The following NELL1 variants were observed in gnomAD, a reference collection of about 807,000 sequenced individuals.
NELL1 encodes neural EGFL like 1.
In NELL1, 76 loss-of-function variants were observed where a neutral mutation model predicts 107.4. That is an observed-to-expected ratio of 0.71 (90% CI 0.59 to 0.86). NELL1 has a LOEUF of 0.86. Ranked by LOEUF, NELL1 falls within the 40% of genes least tolerant of loss-of-function variation. The pLI is 0.00. For missense variants in NELL1, 1,024 were observed against 1,005.5 expected, an observed-to-expected ratio of 1.02 and a Z score of -0.25; for synonymous variants, 353 against 341.2, an observed-to-expected ratio of 1.03 and a Z score of -0.38.
intron 15 of NELL1, among the ~76,000 whole-genome samples, chr11:21,482,182 T>A (rs1186570461): frequency 6.6e-6 from 1 of 152,244 alleles, no homozygotes; most frequent in Admixed American, 6.5e-5. Flanking sequence ...AAAGGAATGC[T>A]TTGCATAAGG....
intron 15 of NELL1, among the ~76,000 whole-genome samples, chr11:21,497,000 C>G (rs890580951): frequency 1.3e-5 from 2 of 151,768 alleles, no homozygotes; most frequent in African/African-American, 4.8e-5. Context: ...TGTATATGTG[C>G]CACATTTTCT....
intron 7 of NELL1, among the ~76,000 whole-genome samples, chr11:20,923,134 C>T (rs568309314): frequency 7.9e-5 from 12 of 152,188 alleles, no homozygotes; most frequent in African/African-American, 2.4e-4. Flanking sequence ...CCTCTTGGGT[C>T]GAGGTGGAAA....
intron 14 of NELL1, among the ~76,000 whole-genome samples, chr11:21,237,259 A>G (rs1054483183): frequency 6.6e-6 from 1 of 152,092 alleles, no homozygotes; most frequent in Non-Finnish European, 1.5e-5. Flanking sequence ...AGAAAGAAAC[A>G]ACATACATTT....
rs1356294 is a variant in NELL1 at position 21,117,345 on chromosome 11, A to G, written c.1426+3631A>G. The stretch of plus-strand genomic sequence containing the variant: ...TTCCACTAGAATGTAAACTCTTGAG[A>G]GCAGGGGCCTTTTTCCTTTTGTTCT... On this transcript the variant is annotated intron_variant, in intron 13 of 19. Coordinates refer to ENST00000357134, the MANE Select transcript of NELL1 (RefSeq NM_006157.5). Among the ~76,000 whole-genome samples, 1,136 of 152,092 alleles carry G rather than the reference A, an allele frequency of 7.5e-3. 16 individuals carry two copies. Among genetic ancestry groups the G allele is most frequent in the African/African-American group, 0.026 (1,067 of 41,528 alleles).
chr11:21,487,867 G>A (rs762245060), intron 15 of NELL1, among the ~76,000 whole-genome samples: 22 of 152,012 alleles, frequency 1.4e-4, no homozygotes, highest in Non-Finnish European at 2.2e-4. Context: ...GCTAACAACC[G>A]GGAGGAGTAG....
intron 2 of NELL1, among the ~76,000 whole-genome samples, chr11:20,721,450 C>T (rs1855386584): frequency 1.3e-5 from 2 of 151,952 alleles, no homozygotes; most frequent in African/African-American, 4.8e-5. Flanking sequence ...CCCTGGGATT[C>T]ATGCAACTGC....
chr11:20,932,648 C>T (rs1360515885), intron 9 of NELL1, among the ~76,000 whole-genome samples: 7 of 152,216 alleles, frequency 4.6e-5, no homozygotes, highest in South Asian at 4.2e-4. Flanking sequence ...TGGTAGGGTC[C>T]GCTATTATCC....
intron 16 of NELL1, among the ~76,000 whole-genome samples, chr11:21,542,215 C>T (rs1856308865): frequency 6.6e-6 from 1 of 152,010 alleles, no homozygotes; most frequent in Non-Finnish European, 1.5e-5. Flanking sequence ...AATGTGAGCT[C>T]GAGGACGAAG....
In NELL1 at chr11:21,336,692, T is replaced by C. The variant is rs962498859; in HGVS notation, c.1550-34161T>C. ...ATATATATACACACACACACACACA[T>C]TAAACAGAAATCAGAATGAAATGCT... On this transcript the variant is annotated intron_variant, in intron 14 of 19. Coordinates refer to ENST00000357134, the MANE Select transcript of NELL1 (RefSeq NM_006157.5). Among the ~76,000 whole-genome samples, 81 of 52,816 alleles carry C rather than the reference T, an allele frequency of 1.5e-3. 1 individual carries two copies. The highest frequency in any genetic ancestry group is 0.013 in the East Asian group (16 of 1,242). 34.6% of individuals were successfully genotyped at this position (52,816 alleles called of 152,430 possible).
chr11:21,568,167 A>C (rs78102686), intron 17 of NELL1, among the ~76,000 whole-genome samples: 7,415 of 151,940 alleles, frequency 0.049, 597 homozygotes, highest in African/African-American at 0.17. Context: ...CTAGGCTATA[A>C]ACCTGGACAG....
At chr11:20,822,849 A>C (rs1312612235) in intron 3 of NELL1, among the ~76,000 whole-genome samples, 1 of 152,200 alleles carries the variant, frequency 6.6e-6, no homozygotes, top group Non-Finnish European at 1.5e-5. Context: ...AGCTTTGCTT[A>C]AAGACCTTGG....
chr11:21,243,656 C>T (rs1355409164), intron 14 of NELL1, among the ~76,000 whole-genome samples: 1 of 152,048 alleles, frequency 6.6e-6, no homozygotes, highest in Non-Finnish European at 1.5e-5. Flanking sequence ...CAGTACTGTT[C>T]AACTGAAAGA....
intron 15 of NELL1, among the ~76,000 whole-genome samples, chr11:21,390,540 T>TACACACACACACACACACAC: frequency 6.9e-6 from 1 of 145,268 alleles, no homozygotes; most frequent in South Asian, 2.3e-4. Flanking sequence ...CACACACACG[T>TACACACACACACACACACAC]GCGCACGCAC....
rs542853993 is a variant in NELL1, at chr11:21,247,033, C to G, written c.1549+17579C>G. Among the ~76,000 whole-genome samples the G allele has an allele frequency of 5.9e-5, 9 of 152,202 alleles. No homozygotes were observed. In the East Asian group the frequency reaches 1.7e-3, roughly 30 times the overall value. On this transcript the variant is annotated intron_variant, in intron 14 of 19. Coordinates refer to ENST00000357134, the MANE Select transcript of NELL1 (RefSeq NM_006157.5). ...GGGTGGGGACACAGCCAAACCATATCAATATCTAAACACAGTAAAAATGTG... is the reference window on the plus strand; with the variant it reads ...GGGTGGGGACACAGCCAAACCATATGAATATCTAAACACAGTAAAAATGTG...
At chr11:21,329,798 A>G (rs1028417841) in intron 14 of NELL1, among the ~76,000 whole-genome samples, 1 of 152,086 alleles carries the variant, frequency 6.6e-6, no homozygotes, top group African/African-American at 2.4e-5. Context: ...ATGAGAATCT[A>G]TGTCAGATTA....
At chr11:21,399,333 G>A (rs1054488692) in intron 15 of NELL1, among the ~76,000 whole-genome samples, 8 of 151,594 alleles carry the variant, frequency 5.3e-5, no homozygotes, top group Admixed American at 2.0e-4. Context: ...CGCTTCAGTT[G>A]CTATTTAGGT....
intron 14 of NELL1, among the ~76,000 whole-genome samples, chr11:21,310,752 C>T (rs1590825937): frequency 6.6e-6 from 1 of 152,066 alleles, no homozygotes; most frequent in African/African-American, 2.4e-5. Flanking sequence ...AGAATGGAAT[C>T]AGCTTGTTGA....
chr11:21,407,170 C>A (rs1852256344), intron 15 of NELL1, among the ~76,000 whole-genome samples: 1 of 152,044 alleles, frequency 6.6e-6, no homozygotes, highest in African/African-American at 2.4e-5. Flanking sequence ...AATCCCAGCA[C>A]TTTGGGAGGC....
At chr11:20,972,887 A>C (rs945081955) in intron 12 of NELL1, among the ~76,000 whole-genome samples, 1 of 152,204 alleles carries the variant, frequency 6.6e-6, no homozygotes, top group Non-Finnish European at 1.5e-5. Context: ...AATGGTGGAC[A>C]TGGAAAATGT....
Sources: gnomAD v4.1 joint callset for allele counts (sites outside exome capture counted in the v4.1 genomes callset) on GRCh38, gnomAD v4.1.1 for gene constraint, MANE v1.5 for transcripts, NCBI Gene and HGNC (gene_info 2026-07-23, HGNC 2026-07-21) for gene names.